Variants in SELENOO observed in about 807,000 individuals in gnomAD.
SELENOO encodes the protein selenoprotein O.
A neutral mutation model predicts 58.7 loss-of-function variants in SELENOO; 74 were observed. The ratio of observed to expected loss-of-function variants is 1.26; its 90% CI spans 1.04 to 1.53. SELENOO has a LOEUF of 1.53. SELENOO is among the 40% of genes most tolerant of loss of function. The probability of loss-of-function intolerance (pLI) is 0.00; values close to 1 mark genes in which losing one functional copy is unlikely to be tolerated. For missense variants in SELENOO, 1,149 were observed against 970.0 expected, an observed-to-expected ratio of 1.18 and a Z score of -2.45; for synonymous variants, 543 against 453.2, an observed-to-expected ratio of 1.20 and a Z score of -2.52.
intron 3 of SELENOO, chr22:50,209,167 T>G (rs1216008419): frequency 6.4e-6 from 1 of 156,904 alleles, no homozygotes; most frequent in African/African-American, 2.4e-5. Context: ...GCATCGTCCT[T>G]GTCACAGGGC....
rs777977138 is a variant in SELENOO at position 50,208,645 on chromosome 22, T to C, written c.868T>C (p.Ser290Pro). 1.2e-6 allele frequency: 2 copies of C among 1,613,780 alleles called. No individual in the cohort carries two copies. The highest frequency in any genetic ancestry group is 1.7e-6 in the Non-Finnish European group (2 of 1,179,988). ...GCAGCTGCTCGACTATGTCATCAGC[T>C]CCTTTTACCCCGAGATCCAGGCTGC... Reference protein sequence around the residue: ...RVQLLDYVISSFYPEIQAAHA... With the variant: ...RVQLLDYVISPFYPEIQAAHA... Residue 290 changes from serine (S) to proline (P), a missense_variant, in exon 3 of 9, where the codon TCC becomes CCC. Transcript: ENST00000380903.
intron 1 of SELENOO, among the ~76,000 whole-genome samples, 173 bp downstream of exon 1, chr22:50,201,763 G>A (rs2064303294): frequency 6.6e-6 from 1 of 152,260 alleles, no homozygotes; most frequent in African/African-American, 2.4e-5. Flanking sequence ...TCAACCCGCC[G>A]AGGACCTTGG....
chr22:50,208,005 C>T (rs1368404812), intron 2 of SELENOO, among the ~76,000 whole-genome samples: 1 of 151,064 alleles, frequency 6.6e-6, no homozygotes, highest in East Asian at 2.0e-4. Flanking sequence ...GCAGACAGGG[C>T]CTGGTCAGTG....
At chr22:50,208,445 A>C in intron 2 of SELENOO, 91 bp from the exon 3 acceptor site, 1 of 1,256,636 alleles carries the variant, frequency 8.0e-7, no homozygotes, top group Non-Finnish European at 1.1e-6. Flanking sequence ...AAAAAAAAAA[A>C]ATAGCCACAA....
chr22:50,210,181 G>A lies in SELENOO; in HGVS notation c.940G>A (p.Val314Met). 1 of 1,612,882 alleles carries A rather than the reference G, an allele frequency of 6.2e-7. No homozygotes were observed. The highest frequency in any genetic ancestry group is 8.5e-7 in the Non-Finnish European group (1 of 1,179,686). Residue 314 changes from valine to methionine, a missense_variant and splice_region_variant, in exon 4 of 9, where the codon GTG becomes ATG. Coordinates refer to ENST00000380903, the MANE Select transcript of SELENOO (RefSeq NM_031454.2). ...VQRNAAFFRE[V>M]TRRTARMVAE... ...GAGCAAGCACACTGTCCCACCCCAGGTGACGCGGCGCACGGCGCGGATGGT... is the reference window on the plus strand; with the variant it reads ...GAGCAAGCACACTGTCCCACCCCAGATGACGCGGCGCACGGCGCGGATGGT...
At position 50,210,193 on chromosome 22, in the gene SELENOO, A is replaced by C; in HGVS notation, c.952A>C (p.Thr318Pro). ...AAFFREVTRR[T>P]ARMVAEWQCV... Reference sequence around the variant, plus strand: ...TGTCCCACCCCAGGTGACGCGGCGCACGGCGCGGATGGTGGCCGAGTGGCA... The same window carrying C: ...TGTCCCACCCCAGGTGACGCGGCGCCCGGCGCGGATGGTGGCCGAGTGGCA... Residue 318 changes from threonine to proline, a missense_variant, in exon 4 of 9, where the codon ACG (threonine) becomes CCG (proline). Coordinates refer to ENST00000380903, the MANE Select transcript of SELENOO (RefSeq NM_031454.2). 3 of 1,613,248 alleles carry C rather than the reference A, an allele frequency of 1.9e-6. No individual in the cohort carries two copies. Among genetic ancestry groups the C allele is most frequent in the Non-Finnish European group, 2.5e-6 (3 of 1,179,878 alleles).
At position 50,208,902 on chromosome 22, in the gene SELENOO, C is replaced by T. The variant is rs770158767; in HGVS notation, c.939+186C>T. 7.8e-4 allele frequency: 466 copies of T among 595,668 alleles called. 1 individual carries two copies. The highest frequency in any genetic ancestry group is 1.1e-3 in the Non-Finnish European group (380 of 341,724). The allele number at this position is 595,668 out of a possible 1,614,324, so 36.9% of individuals were successfully genotyped here. A position where few individuals can be genotyped will look rare whatever the true frequency, so the allele number is the denominator to read the frequency against. On this transcript the variant is annotated intron_variant, in intron 3 of 8. Coordinates refer to ENST00000380903, the MANE Select transcript of SELENOO (RefSeq NM_031454.2). ...CGGGCCCTGGGACAAACCTGAAACTCCCCTGGGCTCCGTGGTGTTGGGGGC... is the reference window on the plus strand; with the variant it reads ...CGGGCCCTGGGACAAACCTGAAACTTCCCTGGGCTCCGTGGTGTTGGGGGC...
At chr22:50,215,889 C>G in intron 6 of SELENOO, 22 bp downstream of exon 6, 2 of 1,570,526 alleles carry the variant, frequency 1.3e-6, no homozygotes, top group Non-Finnish European at 1.7e-6. Context: ...GTTCCTACTT[C>G]TTTGGATTTG....
At chr22:50,207,779 A>G (rs1267936049) in intron 2 of SELENOO, among the ~76,000 whole-genome samples, 3 of 127,424 alleles carry the variant, frequency 2.4e-5, no homozygotes, top group African/African-American at 8.7e-5. Flanking sequence ...GGGGGCAGTC[A>G]CCCTGGGGGA....
chr22:50,215,201 C>T (rs867921191), intron 5 of SELENOO, among the ~76,000 whole-genome samples: 3 of 152,316 alleles, frequency 2.0e-5, no homozygotes, highest in Middle Eastern at 3.4e-3. Flanking sequence ...GTTACAGCAG[C>T]TTCTCAACAC....
At chr22:50,206,239 T>C in intron 1 of SELENOO, 78 bp from the exon 2 acceptor site, 2 of 1,325,420 alleles carry the variant, frequency 1.5e-6, no homozygotes, top group Non-Finnish European at 2.2e-6. Context: ...GTTCCCTCCT[T>C]TCCATGTGCT....
chr22:50,211,249 G>C (rs2064369618), intron 5 of SELENOO, among the ~76,000 whole-genome samples: 1 of 152,224 alleles, frequency 6.6e-6, no homozygotes, highest in Non-Finnish European at 1.5e-5. Context: ...ACGACATACT[G>C]GCGTACGTGT....
chr22:50,201,056 C>A lies in SELENOO; in HGVS notation c.20C>A (p.Ala7Glu). 5 of 1,348,748 alleles carry A rather than the reference C, an allele frequency of 3.7e-6. No individual in the cohort carries two copies. Among genetic ancestry groups the A allele is most frequent in the Non-Finnish European group, 4.8e-6 (5 of 1,051,512 alleles). 83.5% of individuals were successfully genotyped at this position (1,348,748 alleles called of 1,614,324 possible). Residue 7 changes from alanine (A) to glutamate (E), a missense_variant, in exon 1 of 9, where the codon GCG becomes GAG. Physicochemically the swap from Ala to Glu is moderately radical, Grantham distance 107. Transcript: ENST00000380903. Reference sequence around the variant, plus strand: ...CCGCGGATGGCCGTATACAGGGCAGCGCTCGGGGCTTCGCTCGCGGCTGCC... The same window carrying A: ...CCGCGGATGGCCGTATACAGGGCAGAGCTCGGGGCTTCGCTCGCGGCTGCC... Reference protein sequence around the residue: MAVYRAALGASLAAARL... With the variant: MAVYRAELGASLAAARL...
intron 5 of SELENOO, among the ~76,000 whole-genome samples, chr22:50,214,913 G>A (rs566401407): frequency 1.1e-4 from 17 of 152,166 alleles, no homozygotes; most frequent in African/African-American, 2.2e-4. Flanking sequence ...CATGGAAATC[G>A]TCTTTTCACC....
At chr22:50,205,327 G>A (rs1355005848) in intron 1 of SELENOO, among the ~76,000 whole-genome samples, 2 of 152,262 alleles carry the variant, frequency 1.3e-5, no homozygotes, top group Non-Finnish European at 2.9e-5. Flanking sequence ...GCTCATGCCT[G>A]TAATCCTAGC....
chr22:50,208,489 G>A (rs371060220), intron 2 of SELENOO, 47 bp from the exon 3 acceptor site: 1 of 1,557,062 alleles, frequency 6.4e-7, no homozygotes, highest in Non-Finnish European at 8.8e-7. Flanking sequence ...TTTCACAAGG[G>A]GCTGGGGTCA....
At chr22:50,206,021 C>G in intron 1 of SELENOO, 1 of 470,490 alleles carries the variant, frequency 2.1e-6, no homozygotes, top group South Asian at 2.2e-5. Context: ...TGCAGTCACA[C>G]AGTCCTGGCT....
chr22:50,201,730 C>T (rs2064303032), intron 1 of SELENOO, 140 bp downstream of exon 1: 9 of 514,442 alleles, frequency 1.7e-5, no homozygotes, highest in Non-Finnish European at 2.3e-5. Context: ...GCGGTGCTGG[C>T]AGCCGCCCGC....
At chr22:50,211,044 C>T in intron 5 of SELENOO, 133 bp downstream of exon 5, 1 of 889,984 alleles carries the variant, frequency 1.1e-6, no homozygotes, top group Non-Finnish European at 1.8e-6. Flanking sequence ...CACCCCCATT[C>T]TACTCTCTGT....
Sources: gnomAD v4.1 joint callset for allele counts (sites outside exome capture counted in the v4.1 genomes callset) on GRCh38, gnomAD v4.1.1 for gene constraint, MANE v1.5 for transcripts, NCBI Gene and HGNC (gene_info 2026-07-23, HGNC 2026-07-21) for gene names.